Variants in SIPA1L2 observed in about 807,000 individuals in gnomAD.
SIPA1L2 encodes signal-induced proliferation-associated 1-like protein 2.
Under a neutral mutation model 163.9 loss-of-function variants are expected in SIPA1L2, and 56 were observed. The observed-to-expected ratio is 0.34, with a 90% CI of 0.28 to 0.43. The LOEUF is 0.43. Among genes scored for constraint, SIPA1L2 ranks in the 20% least tolerant of loss-of-function variants. The pLI is 1.00. For missense variants in SIPA1L2, 1,974 were observed against 2,193.5 expected (o/e 0.90, Z 2.00); for synonymous variants, 877 against 865.7 (o/e 1.01, Z -0.23).
At position 232,493,579 on chromosome 1, in the gene SIPA1L2, T is replaced by A; in HGVS notation, c.1565A>T (p.Lys522Met). ...SIRREKVEDA[K>M]EKEGSQFNYR... ...GTTGAACTGGGATCCTTCTTTCTCC[T>A]TGGCATCTTCCACCTTCTCTCTCCG... Residue 522 changes from lysine (K) to methionine (M), a missense_variant, in exon 4 of 23, where the codon AAG becomes ATG. Lys to Met is a moderately conservative substitution (Grantham distance 95). This residue lies in a region of SIPA1L2 where 288 missense variants were observed against 418.9 expected (regional missense o/e 0.69). Coordinates refer to ENST00000674635, the MANE Select transcript of SIPA1L2 (RefSeq NM_020808.5). 6.2e-7 allele frequency: 1 copy of A among 1,614,144 alleles called. No individual in the cohort carries two copies. The highest frequency in any genetic ancestry group is 8.5e-7 in the Non-Finnish European group (1 of 1,180,010).
In SIPA1L2 at chr1:232,465,405, G is replaced by A; in HGVS notation, c.2255C>T (p.Ser752Phe). 6.2e-7 allele frequency: 1 copy of A among 1,608,012 alleles called. No individual in the cohort carries two copies. Among genetic ancestry groups the A allele is most frequent in the South Asian group, 1.1e-5 (1 of 90,664 alleles). The change falls in exon 9 of 23, where the codon TCC (serine) becomes TTC (phenylalanine). Residue 752 changes from serine to phenylalanine, a missense_variant. This residue lies in a region of SIPA1L2 where 288 missense variants were observed against 418.9 expected (regional missense o/e 0.69). Coordinates refer to ENST00000674635, the MANE Select transcript of SIPA1L2 (RefSeq NM_020808.5). This position sits in a 1 kb window ranked among gnomAD's most constrained non-coding sequence, Gnocchi z 4.1. ...AAATGGTGGCACATCTTTTGATCTG[G>A]AAACTCCAACACTGAGGAAGTAAAA... ...TENVCYSVGVSRSKDVPPFGP... is the reference protein window; with the variant it reads ...TENVCYSVGVFRSKDVPPFGP...
chr1:232,466,717 G>A (rs542787366), intron 8 of SIPA1L2, among the ~76,000 whole-genome samples: 3 of 152,290 alleles, frequency 2.0e-5, no homozygotes, highest in South Asian at 4.1e-4. Context: ...TGTGAACCTC[G>A]GAGGCGGAGC....
chr1:232,598,593 C>T (rs1661410603), intron 1 of SIPA1L2, among the ~76,000 whole-genome samples: 2 of 152,162 alleles, frequency 1.3e-5, no homozygotes, highest in Non-Finnish European at 1.5e-5. Flanking sequence ...TCTCACAGTT[C>T]TGGAGGCTGG....
chr1:232,457,806 A>G (rs1349333844), intron 10 of SIPA1L2, among the ~76,000 whole-genome samples: 1 of 152,198 alleles, frequency 6.6e-6, no homozygotes, highest in Non-Finnish European at 1.5e-5. Context: ...TGAAAATGAC[A>G]CTTCATACTT....
At chr1:232,427,804 T>A (rs1430952994) in intron 17 of SIPA1L2, among the ~76,000 whole-genome samples, 1 of 152,230 alleles carries the variant, frequency 6.6e-6, no homozygotes, top group Non-Finnish European at 1.5e-5. Context: ...CTATGATCTC[T>A]GCATATCTCT....
At chr1:232,404,493 T>G (rs1437719811) in intron 19 of SIPA1L2, among the ~76,000 whole-genome samples, 1 of 152,154 alleles carries the variant, frequency 6.6e-6, no homozygotes, top group East Asian at 1.9e-4. Context: ...AGAGTGGTGG[T>G]AAGAGAGATT....
At chr1:232,577,069 T>C (rs556763800) in intron 1 of SIPA1L2, among the ~76,000 whole-genome samples, 1 of 152,178 alleles carries the variant, frequency 6.6e-6, no homozygotes, top group South Asian at 2.1e-4. Context: ...AGTCAATGCC[T>C]GGATTCAAAG....
chr1:232,610,315 T>C (rs1662172879), intron 1 of SIPA1L2, among the ~76,000 whole-genome samples: 1 of 152,054 alleles, frequency 6.6e-6, no homozygotes, highest in African/African-American at 2.4e-5. Flanking sequence ...TGCTAGGTGA[T>C]GTGGATGGGA....
chr1:232,450,586 G>A (rs1047999770), intron 10 of SIPA1L2, among the ~76,000 whole-genome samples: 2 of 152,198 alleles, frequency 1.3e-5, no homozygotes, highest in African/African-American at 4.8e-5. Flanking sequence ...TACCATTGAA[G>A]TTACAGATCC....
At chr1:232,438,975 T>C (rs1662727362) in intron 15 of SIPA1L2, 133 bp downstream of exon 15, 1 of 867,204 alleles carries the variant, frequency 1.2e-6, no homozygotes, top group Non-Finnish European at 1.7e-6. Flanking sequence ...TCCTCTGATG[T>C]CAGACAGCTA....
chr1:232,454,444 C>T (rs1164236486), intron 10 of SIPA1L2, among the ~76,000 whole-genome samples: 1 of 152,214 alleles, frequency 6.6e-6, no homozygotes, highest in Non-Finnish European at 1.5e-5. Context: ...GACAGAAGCT[C>T]AGCACGTTCT....
At chr1:232,549,510 TC>T (rs140044829) in intron 2 of SIPA1L2, among the ~76,000 whole-genome samples, 213 of 152,294 alleles carry the variant, frequency 1.4e-3, no homozygotes, top group Non-Finnish European at 2.7e-3. Flanking sequence ...AAGAAAACTC[TC>T]AAGAATTGTT....
chr1:232,439,048 C>A, intron 15 of SIPA1L2, 60 bp downstream of exon 15: 1 of 1,516,318 alleles, frequency 6.6e-7, no homozygotes, highest in East Asian at 2.3e-5. Context: ...CTGCCCTATC[C>A]CAGCAGGCAG....
intron 6 of SIPA1L2, among the ~76,000 whole-genome samples, chr1:232,481,029 T>C (rs1475692519): frequency 6.6e-6 from 1 of 152,176 alleles, no homozygotes; most frequent in Non-Finnish European, 1.5e-5. Context: ...ATAAGGCGAA[T>C]ACTTAGTGTT....
At chr1:232,531,571 G>C (rs1656942821) in intron 2 of SIPA1L2, among the ~76,000 whole-genome samples, 1 of 152,184 alleles carries the variant, frequency 6.6e-6, no homozygotes, top group Non-Finnish European at 1.5e-5. Context: ...AGTAATGAAA[G>C]GCCCTGGAAA....
Position 232,465,165 on chromosome 1 carries a change from G to A in SIPA1L2, c.2495C>T (p.Thr832Met), listed in dbSNP as rs201454160. ...VDTSVKFSFITLGAKKKEKVK... is the reference protein window; with the variant it reads ...VDTSVKFSFIMLGAKKKEKVK... ...CTTCTCCTTTTTCTTCGCACCCAGC[G>A]TAATGAAGCTGAACTTCACAGAGGT... The change falls in exon 9 of 23, where the codon ACG becomes ATG. Residue 832 changes from threonine to methionine, a missense_variant. Transcript: ENST00000674635. This position sits in a 1 kb window ranked among gnomAD's most constrained non-coding sequence, Gnocchi z 4.1. 19 of 1,614,162 alleles carry A rather than the reference G, an allele frequency of 1.2e-5. No individual in the cohort carries two copies. The highest frequency in any genetic ancestry group is 2.2e-5 in the East Asian group (1 of 44,878).
rs369095068 is a variant in SIPA1L2 at position 232,567,197 on chromosome 1, C to T, written c.-270+6977G>A. The stretch of plus-strand genomic sequence containing the variant: ...ATTTTTTAAATGGAGATACCTACTT[C>T]AAAGCACTACTGAAAGGTTAAATGA... On this transcript the variant is annotated intron_variant, in intron 2 of 22. Coordinates refer to ENST00000674635, the MANE Select transcript of SIPA1L2 (RefSeq NM_020808.5). Among the ~76,000 whole-genome samples the T allele has an allele frequency of 2.5e-4, 38 of 152,160 alleles. No homozygotes were observed. The South Asian group carries it at 7.5e-3, about 30-fold the overall frequency.
chr1:232,518,883 C>A (rs1667328803), intron 2 of SIPA1L2, among the ~76,000 whole-genome samples: 1 of 152,056 alleles, frequency 6.6e-6, no homozygotes, highest in African/African-American at 2.4e-5. Context: ...AATTACTGTA[C>A]AAATATATTA....
intron 3 of SIPA1L2, among the ~76,000 whole-genome samples, chr1:232,502,544 T>C (rs1400441557): frequency 6.6e-6 from 1 of 152,060 alleles, no homozygotes; most frequent in African/African-American, 2.4e-5. Context: ...ATATTCCCCT[T>C]TTTATCAAAG....
Sources: gnomAD v4.1 joint callset for allele counts (sites outside exome capture counted in the v4.1 genomes callset) on GRCh38, gnomAD v4.1.1 for gene constraint, gnomAD v4.1.1 regional missense constraint, Gnocchi (gnomAD v3.1) non-coding constraint, MANE v1.5 for transcripts, NCBI Gene and HGNC (gene_info 2026-07-23, HGNC 2026-07-21) for gene names.